Variants in SPOCK1 observed in about 807,000 individuals in gnomAD.
SPOCK1 encodes testican-1.
In SPOCK1, 23 loss-of-function variants were observed where a neutral mutation model predicts 55.3. The ratio of observed to expected loss-of-function variants is 0.42; its 90% CI spans 0.30 to 0.59. SPOCK1 has a LOEUF of 0.59. Ranked by LOEUF, SPOCK1 falls within the 20% of genes least tolerant of loss-of-function variation. SPOCK1 has a pLI of 0.22. For missense variants in SPOCK1, 499 were observed against 552.5 expected (o/e 0.90, Z 0.97); for synonymous variants, 226 against 221.0 (o/e 1.02, Z -0.20).
At chr5:137,241,151 A>C (rs1164060329) in intron 3 of SPOCK1, among the ~76,000 whole-genome samples, 3 of 152,132 alleles carry the variant, frequency 2.0e-5, no homozygotes. Context: ...TGGGAGAAAA[A>C]CTAGAAAAAT....
chr5:137,293,572 CA>C (rs1757417370), intron 2 of SPOCK1, among the ~76,000 whole-genome samples: 1 of 108,760 alleles, frequency 9.2e-6, no homozygotes, highest in Admixed American at 9.0e-5. Flanking sequence ...TCTGAAATCC[CA>C]CCTTGCCCCT....
chr5:137,115,977 T>C (rs1753569677), intron 4 of SPOCK1, among the ~76,000 whole-genome samples: 1 of 152,240 alleles, frequency 6.6e-6, no homozygotes, highest in Non-Finnish European at 1.5e-5. Flanking sequence ...GGTATCTTGA[T>C]GGGATTGTTA....
intron 3 of SPOCK1, among the ~76,000 whole-genome samples, chr5:137,210,236 C>T (rs1755586774): frequency 6.6e-6 from 1 of 152,140 alleles, no homozygotes; most frequent in Non-Finnish European, 1.5e-5. Flanking sequence ...CCTCCCTCTT[C>T]TATAGAACAG....
chr5:137,266,765 C>T (rs764368419), intron 3 of SPOCK1, among the ~76,000 whole-genome samples: 25 of 151,924 alleles, frequency 1.6e-4, no homozygotes, highest in Middle Eastern at 3.4e-3. Context: ...TAAAACAAAA[C>T]GAATCAATGA....
intron 6 of SPOCK1, among the ~76,000 whole-genome samples, chr5:137,002,639 A>G (rs894681382): frequency 1.3e-5 from 2 of 152,220 alleles, no homozygotes; most frequent in African/African-American, 4.8e-5. Context: ...GAAGGATTTC[A>G]TGGCCAACCA....
chr5:137,022,517 A>G (rs1346883188), intron 6 of SPOCK1, among the ~76,000 whole-genome samples: 8 of 152,176 alleles, frequency 5.3e-5, no homozygotes. Context: ...GAAACAAACT[A>G]TGATTTTAAG....
At chr5:136,985,302 T>C in intron 8 of SPOCK1, 100 bp from the exon 9 acceptor site, 3 of 1,135,878 alleles carry the variant, frequency 2.6e-6, no homozygotes, top group Non-Finnish European at 2.7e-6. Context: ...ATGACACACC[T>C]GGGAGTGGAA....
intron 2 of SPOCK1, among the ~76,000 whole-genome samples, chr5:137,455,726 A>G (rs950553174): frequency 6.6e-6 from 1 of 152,060 alleles, no homozygotes; most frequent in African/African-American, 2.4e-5. Flanking sequence ...AGCTTTCTTC[A>G]TGGCTTAAGA....
At chr5:137,358,474 G>A (rs1355373021) in intron 2 of SPOCK1, among the ~76,000 whole-genome samples, 1 of 143,614 alleles carries the variant, frequency 7.0e-6, no homozygotes, top group East Asian at 2.2e-4. Flanking sequence ...GGAGGGGAGG[G>A]GAGGGGAGGA....
intron 5 of SPOCK1, among the ~76,000 whole-genome samples, chr5:137,077,826 C>T (rs1403260886): frequency 6.6e-6 from 1 of 152,166 alleles, no homozygotes; most frequent in East Asian, 1.9e-4. Flanking sequence ...GAGAGCTGTC[C>T]ATGCTCATAC....
intron 6 of SPOCK1, among the ~76,000 whole-genome samples, chr5:137,055,108 A>AAGAC (rs1187991323): frequency 6.6e-6 from 1 of 152,152 alleles, no homozygotes; most frequent in African/African-American, 2.4e-5. Context: ...CTGCTCTATA[A>AAGAC]AGACATGGAA....
intron 3 of SPOCK1, among the ~76,000 whole-genome samples, chr5:137,169,502 A>T (rs1391639029): frequency 1.3e-4 from 15 of 111,562 alleles, no homozygotes; most frequent in Non-Finnish European, 2.2e-4. Flanking sequence ...AAGAAATTTC[A>T]CTAAATGCCT....
chr5:137,250,198 G>A (rs1756482317), intron 3 of SPOCK1, among the ~76,000 whole-genome samples: 1 of 152,184 alleles, frequency 6.6e-6, no homozygotes, highest in Admixed American at 6.5e-5. Flanking sequence ...TTTGCATACT[G>A]TAATGGCAGC....
rs145619729 is a variant in SPOCK1, at chr5:137,020,209, T to C, written c.590-27609A>G. On this transcript the variant is annotated intron_variant, in intron 6 of 10. Transcript: ENST00000394945. ...ATAACAGAATGAAAAAAAAACCCCA[T>C]CTGATTGCTGTTACCAGACAACCAA... Among the ~76,000 whole-genome samples the C allele has an allele frequency of 1.1e-3, 171 of 151,802 alleles. 1 individual carries two copies. The East Asian group carries it at 0.028, about 25-fold the overall frequency.
At chr5:137,301,446 ACTC>A (rs544446476) in intron 2 of SPOCK1, among the ~76,000 whole-genome samples, 1 of 152,078 alleles carries the variant, frequency 6.6e-6, no homozygotes, top group Non-Finnish European at 1.5e-5. Context: ...CCAGTTGTGA[ACTC>A]CTTCAGAAGC....
rs141661870 is a variant in SPOCK1 at position 137,396,989 on chromosome 5, T to A, written c.186+101384A>T. On this transcript the variant is annotated intron_variant, in intron 2 of 10. Coordinates refer to ENST00000394945, the MANE Select transcript of SPOCK1 (RefSeq NM_004598.4). ...ACTTTTGCAACCATCAACACCTGTG[T>A]ACCTTGTGGTATTACTTGAAACAGG... is the stretch of plus-strand genomic sequence containing the variant. 8.8e-3 allele frequency among the ~76,000 whole-genome samples: 1,347 copies of A among 152,314 alleles called. 8 individuals carry two copies. The highest frequency in any genetic ancestry group is 0.014 in the Non-Finnish European group (940 of 68,024).
At chr5:137,111,677 A>G (rs1394078489) in intron 5 of SPOCK1, among the ~76,000 whole-genome samples, 2 of 151,804 alleles carry the variant, frequency 1.3e-5, no homozygotes, top group African/African-American at 2.4e-5. Context: ...ACAAATTATC[A>G]CCTCCTTTCT....
intron 3 of SPOCK1, among the ~76,000 whole-genome samples, chr5:137,257,066 T>C (rs1031400417): frequency 2.0e-5 from 3 of 152,132 alleles, no homozygotes; most frequent in African/African-American, 7.2e-5. Context: ...GCATGGGTGT[T>C]AGTTTGTCCC....
At chr5:137,091,791 G>C (rs1378120342) in intron 5 of SPOCK1, among the ~76,000 whole-genome samples, 2 of 152,184 alleles carry the variant, frequency 1.3e-5, no homozygotes, top group African/African-American at 4.8e-5. Flanking sequence ...ACTGGATGGT[G>C]AATTGAAGTT....
Sources: allele counts gnomAD v4.1 joint callset (sites outside exome capture counted in the v4.1 genomes callset), GRCh38; gene constraint gnomAD v4.1.1; transcripts MANE v1.5; gene names NCBI Gene and HGNC (gene_info 2026-07-23, HGNC 2026-07-21).